ALG13: variants seen among roughly 807,000 people sequenced by gnomAD.
The protein encoded by ALG13 is UDP-N-acetylglucosamine transferase subunit ALG13.
In ALG13, 11 loss-of-function variants were observed where a neutral mutation model predicts 87.8. The observed-to-expected ratio is 0.13, with a 90% CI of 0.08 to 0.21. ALG13 has a LOEUF of 0.21. ALG13 is among the 10% of genes least tolerant of loss of function. The probability of loss-of-function intolerance (pLI) is 1.00; values close to 1 mark genes in which losing one functional copy is unlikely to be tolerated. For missense variants in ALG13, 756 were observed against 866.1 expected (o/e 0.87, Z 1.60); for synonymous variants, 320 against 306.3 (o/e 1.04, Z -0.47).
At chrX:111,729,887 A>G (rs1336238689) in intron 19 of ALG13, among the ~76,000 whole-genome samples, 1 of 112,212 alleles carries the variant, frequency 8.9e-6, no homozygotes, top group African/African-American at 3.2e-5. Flanking sequence ...CTCATACTTT[A>G]TAGACACCAT....
rs1372022664 is a variant in ALG13 at position 111,744,361 on chromosome X, G to C, written c.2696-307G>C. Among the ~76,000 whole-genome samples the C allele has an allele frequency of 2.7e-5, 3 of 111,809 alleles. No individual in the cohort carries two copies. In the Admixed American group the frequency reaches 2.9e-4, roughly 11 times the overall value. Reference sequence around the variant, plus strand: ...TAAACTAAGTAAAAATTTTGCTTTAGTTATGTTTTATTTATGTACCTGTTA... The same window carrying C: ...TAAACTAAGTAAAAATTTTGCTTTACTTATGTTTTATTTATGTACCTGTTA... On this transcript the variant is annotated intron_variant, in intron 23 of 26. Transcript: ENST00000394780.
At chrX:111,687,259 T>G (rs1935219934) in intron 3 of ALG13, among the ~76,000 whole-genome samples, 1 of 112,727 alleles carries the variant, frequency 8.9e-6, no homozygotes, top group African/African-American at 3.2e-5. Context: ...ATTGGTTATA[T>G]TTTCATTTTA....
At chrX:111,706,555 G>A (rs890620895) in intron 3 of ALG13, 1 of 111,161 alleles carries the variant, frequency 9.0e-6, no homozygotes, top group Middle Eastern at 4.7e-3. Context: ...CCAGGAGTTC[G>A]AGACCAGCTG....
intron 26 of ALG13, among the ~76,000 whole-genome samples, chrX:111,758,133 T>G (rs951864964): frequency 1.8e-5 from 2 of 112,187 alleles, no homozygotes; most frequent in Non-Finnish European, 3.8e-5. Flanking sequence ...TTATGTTTTT[T>G]TGTTTAATCA....
chrX:111,688,241 G>T (rs1278663601), intron 3 of ALG13: 14 of 770,795 alleles, frequency 1.8e-5, no homozygotes, highest in Non-Finnish European at 2.1e-5. Context: ...GCATTCACAG[G>T]TTTTCTCCTA....
At chrX:111,751,756 T>C (rs1488245591) in intron 24 of ALG13, among the ~76,000 whole-genome samples, 1 of 111,801 alleles carries the variant, frequency 8.9e-6, no homozygotes, top group African/African-American at 3.3e-5. Flanking sequence ...TATTTGTATG[T>C]GTAGGGAGTC....
chrX:111,737,443 A>G (rs966722534), intron 23 of ALG13, among the ~76,000 whole-genome samples: 3 of 111,863 alleles, frequency 2.7e-5, no homozygotes, highest in Non-Finnish European at 5.6e-5. Context: ...ATAAAATTTT[A>G]AATTATCAGC....
chrX:111,692,579 G>A (rs1178994954), intron 3 of ALG13, among the ~76,000 whole-genome samples: 3 of 111,296 alleles, frequency 2.7e-5, no homozygotes, highest in Non-Finnish European at 5.6e-5. Context: ...CCATCATATT[G>A]TATGGTAAGT....
At position 111,681,763 on chromosome X, in the gene ALG13, C is replaced by T. The variant is rs752660640; in HGVS notation, c.82-369C>T. ...TTCCCCTCAGCACTTGGCCGGAGCC[C>T]GCGCGGTTCCTCTCCTCAGCGCGCG... On this transcript the variant is annotated intron_variant, in intron 1 of 26. Coordinates refer to ENST00000394780, the MANE Select transcript of ALG13 (RefSeq NM_001099922.3). 1.0e-4 allele frequency: 83 copies of T among 824,129 alleles called. No homozygotes were observed. The African/African-American group carries it at 1.7e-3, about 17-fold the overall frequency. The allele number at this position is 824,129 out of a possible 1,213,427, so 67.9% of individuals were successfully genotyped here.
chrX:111,701,487 G>A (rs878969899), intron 3 of ALG13, among the ~76,000 whole-genome samples: 2 of 111,687 alleles, frequency 1.8e-5, no homozygotes, highest in African/African-American at 3.3e-5. Flanking sequence ...ATTTGTTGGC[G>A]TATAATTGTT....
chrX:111,723,733 G>A (rs777786086), intron 13 of ALG13, 65 bp from the exon 14 acceptor site: 2 of 661,327 alleles, frequency 3.0e-6, no homozygotes, highest in Non-Finnish European at 2.3e-6. Context: ...GGGGAAAAGT[G>A]GTATTTTGTT....
At chrX:111,712,052 A>G (rs1302016352) in intron 6 of ALG13, among the ~76,000 whole-genome samples, 1 of 112,083 alleles carries the variant, frequency 8.9e-6, no homozygotes, top group Non-Finnish European at 1.9e-5. Context: ...TTATTTTGTT[A>G]TTAAACAATT....
At chrX:111,697,808 T>A (rs1274943195) in intron 3 of ALG13, among the ~76,000 whole-genome samples, 2 of 111,732 alleles carry the variant, frequency 1.8e-5, no homozygotes, top group African/African-American at 6.5e-5. Context: ...GGAGATTTTA[T>A]ATAGTTTTAG....
chrX:111,691,049 T>C (rs1936043919), intron 3 of ALG13, among the ~76,000 whole-genome samples: 1 of 111,407 alleles, frequency 9.0e-6, no homozygotes, highest in Non-Finnish European at 1.9e-5. Flanking sequence ...GTCATCATGA[T>C]AGCCATGTGG....
Position 111,727,240 on chromosome X carries a change from A to G in ALG13, c.1977-92A>G, listed in dbSNP as rs1392686643. The G allele has an allele frequency of 5.6e-6, 5 of 899,252 alleles. No individual in the cohort carries two copies. The African/African-American group carries it at 1.0e-4, about 18-fold the overall frequency. The allele number at this position is 899,252 out of a possible 1,213,427, so 74.1% of individuals were successfully genotyped here. A position where few individuals can be genotyped will look rare whatever the true frequency, so the allele number is the denominator to read the frequency against. On this transcript the variant is annotated intron_variant, in intron 16 of 26. Coordinates refer to ENST00000394780, the MANE Select transcript of ALG13 (RefSeq NM_001099922.3). ...GAGCTCTTTCTAGTTGAATGTTTTT[A>G]GAAAGACAGATTAGTTCTATTTAAC... is the stretch of plus-strand genomic sequence containing the variant.
intron 3 of ALG13, among the ~76,000 whole-genome samples, chrX:111,686,920 G>A (rs1436627626): frequency 8.9e-6 from 1 of 111,963 alleles, no homozygotes; most frequent in Non-Finnish European, 1.9e-5. Context: ...CATAAAAGCA[G>A]TAAGCAGTGA....
Position 111,708,151 on chromosome X carries a change from C to T in ALG13, c.508C>T (p.His170Tyr). The change falls in exon 4 of 27, where the codon CAT becomes TAT. Residue 170 changes from histidine (H) to tyrosine (Y), a missense_variant. Physicochemically the swap from His to Tyr is moderately conservative, Grantham distance 83. Around this residue, in one of 9 missense-constraint regions of ALG13, gnomAD observed 153 missense variants for 168.7 expected, o/e 0.91. Transcript: ENST00000394780. ...LDFGLLSGYL[H>Y]KQALVTATHP... ...CTTTGGGCTGCTTTCCGGATACCTG[C>T]ATAAGCAAGCCCTTGTTACTGCTAC... 1 of 1,211,793 alleles carries T rather than the reference C, an allele frequency of 8.3e-7. No individual in the cohort carries two copies. Among genetic ancestry groups the T allele is most frequent in the Non-Finnish European group, 1.1e-6 (1 of 895,492 alleles).
At chrX:111,732,281 T>C (rs1942781769) in intron 21 of ALG13, among the ~76,000 whole-genome samples, 1 of 112,281 alleles carries the variant, frequency 8.9e-6, no homozygotes, top group South Asian at 3.7e-4. Context: ...AATTAGGATT[T>C]TGTTATAGCC....
At chrX:111,725,584 CA>C (rs913746547) in intron 15 of ALG13, among the ~76,000 whole-genome samples, 1 of 110,031 alleles carries the variant, frequency 9.1e-6, no homozygotes, top group Non-Finnish European at 1.9e-5. Flanking sequence ...TTGCATATTT[CA>C]AAAAAACTAG....
Sources: allele counts gnomAD v4.1 joint callset (sites outside exome capture counted in the v4.1 genomes callset), GRCh38; gene constraint gnomAD v4.1.1; regional missense constraint gnomAD v4.1.1; transcripts MANE v1.5; gene names NCBI Gene and HGNC (gene_info 2026-07-23, HGNC 2026-07-21).